Variants in MAD1L1 observed in about 807,000 individuals in gnomAD.
MAD1L1 encodes mitotic arrest deficient 1 like 1.
In MAD1L1, 95 loss-of-function variants were observed where a neutral mutation model predicts 96.9. That is an observed-to-expected ratio of 0.98 (90% CI 0.83 to 1.16). The LOEUF is 1.16. Ranked by LOEUF, MAD1L1 falls within the 50% of genes most tolerant of loss-of-function variation. MAD1L1 has a pLI of 0.00. For missense variants in MAD1L1, 1,007 were observed against 954.4 expected, an observed-to-expected ratio of 1.06 and a Z score of -0.73; for synonymous variants, 473 against 396.6, an observed-to-expected ratio of 1.19 and a Z score of -2.29.
rs141805517 is a variant in MAD1L1 at position 1,986,016 on chromosome 7, C to T, written c.1417-5475G>A. Among the ~76,000 whole-genome samples, 882 of 152,270 alleles carry T rather than the reference C, an allele frequency of 5.8e-3. 5 individuals are homozygous for T. Among genetic ancestry groups the T allele is most frequent in the Non-Finnish European group, 0.01 (691 of 68,016 alleles). ...TCTGCCACTTGTTTTTGTTCTTTTT[C>T]TCCTTTGCTCTAACACAAATGCATG... On this transcript the variant is annotated intron_variant, in intron 14 of 18. Coordinates refer to ENST00000265854, the MANE Select transcript of MAD1L1 (RefSeq NM_001013836.2).
chr7:2,143,080 G>A (rs1338259909), intron 11 of MAD1L1, among the ~76,000 whole-genome samples: 1 of 152,074 alleles, frequency 6.6e-6, no homozygotes. Context: ...AGGACACGGT[G>A]CCAGTGATGA....
At chr7:1,996,243 C>T (rs111525414) in intron 14 of MAD1L1, among the ~76,000 whole-genome samples, 7 of 114,574 alleles carry the variant, frequency 6.1e-5, no homozygotes, top group Non-Finnish European at 7.4e-5. Context: ...CCCCCCGGGT[C>T]TACACACGGC....
At chr7:2,010,130 A>C (rs1401176470) in intron 13 of MAD1L1, among the ~76,000 whole-genome samples, 1 of 132,400 alleles carries the variant, frequency 7.6e-6, no homozygotes, top group African/African-American at 2.9e-5. Context: ...AGTCATCTCA[A>C]GTTCTTTCAA....
chr7:2,183,174 C>T (rs1487960934), intron 10 of MAD1L1, among the ~76,000 whole-genome samples: 2 of 151,258 alleles, frequency 1.3e-5, no homozygotes, highest in Non-Finnish European at 2.9e-5. Context: ...GATCGCGCCA[C>T]TGCATCCTGG....
intron 14 of MAD1L1, among the ~76,000 whole-genome samples, chr7:1,986,987 C>T (rs1781179880): frequency 6.6e-6 from 1 of 152,148 alleles, no homozygotes; most frequent in Admixed American, 6.5e-5. Context: ...CTACATCCCC[C>T]TCCAGGCCCA....
intron 18 of MAD1L1, among the ~76,000 whole-genome samples, chr7:1,836,227 G>A (rs1422592907): frequency 6.6e-6 from 1 of 151,874 alleles, no homozygotes; most frequent in Non-Finnish European, 1.5e-5. Flanking sequence ...TTACCATGTT[G>A]GTCAGGCTGT....
At chr7:1,872,622 T>C (rs984967114) in intron 18 of MAD1L1, 1 of 152,324 alleles carries the variant, frequency 6.6e-6, no homozygotes, top group Admixed American at 6.5e-5. Context: ...GGCCGCTCTC[T>C]GCTCCCGCCG....
At chr7:2,025,925 T>C (rs1782977755) in intron 12 of MAD1L1, among the ~76,000 whole-genome samples, 2 of 152,174 alleles carry the variant, frequency 1.3e-5, no homozygotes, top group African/African-American at 2.4e-5. Flanking sequence ...TAAGATGTTT[T>C]CATAAAAAAC....
intron 16 of MAD1L1, among the ~76,000 whole-genome samples, chr7:1,944,773 A>G (rs967579900): frequency 6.6e-5 from 10 of 152,250 alleles, no homozygotes; most frequent in African/African-American, 2.4e-4. Context: ...CACCAAGTGC[A>G]GTGACCACAG....
Position 2,225,446 on chromosome 7 carries a change from C to A in MAD1L1, c.255G>T (p.Leu85=). 10 of 1,613,978 alleles carry A rather than the reference C, an allele frequency of 6.2e-6. No individual in the cohort carries two copies. Among genetic ancestry groups the A allele is most frequent in the Non-Finnish European group, 8.5e-6 (10 of 1,180,044 alleles). ...ELSHKRARVE[L]ERAASTSARN... is the part of the protein sequence containing the mutation. ...TGGCACTGGTGCTGGCTGCTCTCTC[C>A]AGCTCCACTCGAGCCCTCTTGTGAC... The change falls in exon 4 of 19, where the codon CTG becomes CTT. Residue 85 remains leucine (L), a synonymous_variant. Transcript: ENST00000265854.
At chr7:2,123,736 A>C (rs1364580518) in intron 11 of MAD1L1, among the ~76,000 whole-genome samples, 1 of 152,190 alleles carries the variant, frequency 6.6e-6, no homozygotes, top group African/African-American at 2.4e-5. Flanking sequence ...GAATCGATAG[A>C]TCCTCCGGCG....
intron 12 of MAD1L1, among the ~76,000 whole-genome samples, chr7:2,043,460 G>C (rs1451031307): frequency 6.6e-6 from 1 of 152,198 alleles, no homozygotes; most frequent in Non-Finnish European, 1.5e-5. Context: ...AATCTGTTCT[G>C]ACAATCCCAC....
intron 11 of MAD1L1, among the ~76,000 whole-genome samples, chr7:2,113,196 G>A (rs1012963582): frequency 6.6e-6 from 1 of 152,194 alleles, no homozygotes; most frequent in Non-Finnish European, 1.5e-5. Flanking sequence ...CGGAAGAGAC[G>A]GGCGGACAGA....
At chr7:2,115,481 T>A (rs1395253588) in intron 11 of MAD1L1, among the ~76,000 whole-genome samples, 2 of 103,236 alleles carry the variant, frequency 1.9e-5, no homozygotes, top group Non-Finnish European at 4.0e-5. Context: ...CTGGACAGGG[T>A]CCCCACGTGT....
chr7:2,129,224 G>A (rs1418243889), intron 11 of MAD1L1, among the ~76,000 whole-genome samples: 1 of 152,228 alleles, frequency 6.6e-6, no homozygotes, highest in East Asian at 1.9e-4. Context: ...CAGCTCACAT[G>A]TGCAGCAGGC....
intron 15 of MAD1L1, among the ~76,000 whole-genome samples, chr7:1,958,165 G>C (rs1779808831): frequency 6.6e-6 from 1 of 152,200 alleles, no homozygotes; most frequent in South Asian, 2.1e-4. Context: ...TTCTACTGCG[G>C]GGTGTGGAAG....
chr7:1,845,529 C>A (rs1342593057), intron 18 of MAD1L1: 5 of 68,588 alleles, frequency 7.3e-5, no homozygotes, highest in African/African-American at 2.7e-4. Flanking sequence ...GATGGACGTG[C>A]TCCACGCAGA....
intron 10 of MAD1L1, among the ~76,000 whole-genome samples, chr7:2,152,549 C>A (rs550331211): frequency 3.3e-4 from 51 of 152,318 alleles, no homozygotes; most frequent in Admixed American, 1.0e-3. Context: ...CCTTCAAGAA[C>A]GTCACACGGG....
At chr7:1,840,541 C>T (rs1461714607) in intron 18 of MAD1L1, among the ~76,000 whole-genome samples, 3 of 152,074 alleles carry the variant, frequency 2.0e-5, no homozygotes, top group Non-Finnish European at 4.4e-5. Context: ...ACCAGCCTGG[C>T]CAACATGGCA....
Sources: gnomAD v4.1 joint callset for allele counts (sites outside exome capture counted in the v4.1 genomes callset) on GRCh38, gnomAD v4.1.1 for gene constraint, MANE v1.5 for transcripts, NCBI Gene and HGNC (gene_info 2026-07-23, HGNC 2026-07-21) for gene names.